TRPC3: variants seen among roughly 807,000 people sequenced by gnomAD.
The protein encoded by TRPC3 is short transient receptor potential channel 3.
A neutral mutation model predicts 90.9 loss-of-function variants in TRPC3; 54 were observed. That is an observed-to-expected ratio of 0.59 (90% CI 0.48 to 0.75). TRPC3 has a LOEUF of 0.75. Ranked by LOEUF, TRPC3 falls within the 30% of genes least tolerant of loss-of-function variation. TRPC3 has a pLI of 0.00. For synonymous variants in TRPC3, 424 were observed against 450.9 expected (o/e 0.94, Z 0.75); for missense variants, 918 against 1,194.5 (o/e 0.77, Z 3.41).
In TRPC3 at chr4:121,876,218, C is replaced by A. The variant is rs1017727978; in HGVS notation, c.*3518G>T. Among the ~76,000 whole-genome samples, 22 of 151,808 alleles carry A rather than the reference C, an allele frequency of 1.4e-4. No homozygotes were observed. Among genetic ancestry groups the A allele is most frequent in the African/African-American group, 5.3e-4 (22 of 41,300 alleles). On this transcript the variant is annotated 3_prime_UTR_variant, in exon 12 of 12. Transcript: ENST00000379645. ...CCAGCCTGATTTTGGGAGGCTGAGG[C>A]AGGAGGATCGCTTGAGGCCAAAAGT...
Position 121,914,830 on chromosome 4 carries a change from G to C in TRPC3, c.1291C>G (p.Leu431Val). The C allele has an allele frequency of 6.2e-7, 1 of 1,613,578 alleles. No individual in the cohort carries two copies. The highest frequency in any genetic ancestry group is 1.7e-5 in the Admixed American group (1 of 59,992). The change falls in exon 4 of 12, where the codon CTG becomes GTG. Residue 431 changes from leucine (L) to valine (V), a missense_variant. Leu to Val is a conservative substitution (Grantham distance 32). Around this residue, in one of 4 missense-constraint regions of TRPC3, gnomAD observed 609 missense variants for 725.9 expected, o/e 0.84. Coordinates refer to ENST00000379645, the MANE Select transcript of TRPC3 (RefSeq NM_001130698.2). Reference protein sequence around the residue: ...IKCLVVLVVALGLPFLAIGYW... With the variant: ...IKCLVVLVVAVGLPFLAIGYW... ...CCAATGGCCAGGAATGGAAGGCCCA[G>C]GGCCACGACCAGCACAACGAGACAC...
At chr4:121,937,235 G>A (rs907737483) in intron 1 of TRPC3, among the ~76,000 whole-genome samples, 1 of 152,156 alleles carries the variant, frequency 6.6e-6, no homozygotes, top group Admixed American at 6.5e-5. Context: ...GTTGGACCCT[G>A]AAATATGCCC....
At chr4:121,930,329 A>G (rs980823987) in intron 2 of TRPC3, among the ~76,000 whole-genome samples, 14 of 152,140 alleles carry the variant, frequency 9.2e-5, no homozygotes, top group Non-Finnish European at 2.1e-4. Flanking sequence ...CCTTATAGAT[A>G]TTTGGCAGCT....
chr4:121,919,104 A>G (rs957446367), intron 3 of TRPC3, among the ~76,000 whole-genome samples: 1 of 152,244 alleles, frequency 6.6e-6, no homozygotes, highest in Non-Finnish European at 1.5e-5. Context: ...GAAAATCTCA[A>G]TCTTTCAATT....
intron 1 of TRPC3, among the ~76,000 whole-genome samples, chr4:121,941,087 T>C (rs1452635016): frequency 6.6e-6 from 1 of 152,138 alleles, no homozygotes; most frequent in African/African-American, 2.4e-5. Context: ...AAATGAACAA[T>C]GGGTTATAAA....
Position 121,904,395 on chromosome 4 carries a change from T to C in TRPC3, c.2180A>G (p.Tyr727Cys). The change falls in exon 8 of 12, where the codon TAC (tyrosine) becomes TGC (cysteine). Residue 727 changes from tyrosine to cysteine, a missense_variant. Physicochemically the swap from Tyr to Cys is radical, Grantham distance 194. Coordinates refer to ENST00000379645, the MANE Select transcript of TRPC3 (RefSeq NM_001130698.2). ...ENIGYVLYGI[Y>C]NVTMVVVLLN... ...TAAAACGACCACCATAGTTACATTG[T>C]ATATTCCATAAAGAACGTATCCAAT... 3.1e-6 allele frequency: 5 copies of C among 1,606,660 alleles called. No homozygotes were observed. The highest frequency in any genetic ancestry group is 4.2e-6 in the Non-Finnish European group (5 of 1,178,130).
In TRPC3 at chr4:121,907,483, A is replaced by C. The variant is rs1728925159; in HGVS notation, c.1877T>G (p.Ile626Ser). Residue 626 changes from isoleucine (I) to serine (S), a missense_variant, in exon 7 of 12, where the codon ATT becomes AGT. By Grantham distance (142) the Ile-to-Ser change is moderately radical (BLOSUM62 -2). Around this residue, in one of 4 missense-constraint regions of TRPC3, gnomAD observed 147 missense variants for 263.5 expected, o/e 0.56. Coordinates refer to ENST00000379645, the MANE Select transcript of TRPC3 (RefSeq NM_001130698.2). ...AIAVVLSFSRIAYILPANESF... is the reference protein window; with the variant it reads ...AIAVVLSFSRSAYILPANESF... ...CTCATTTGCAGGGAGGATGTACGCAATCCGAGAGAAGCTGAGCACAACAGC... is the reference window on the plus strand; with the variant it reads ...CTCATTTGCAGGGAGGATGTACGCACTCCGAGAGAAGCTGAGCACAACAGC... 6.2e-7 allele frequency: 1 copy of C among 1,613,314 alleles called. No homozygotes were observed. Among genetic ancestry groups the C allele is most frequent in the African/African-American group, 1.3e-5 (1 of 74,862 alleles).
chr4:121,890,286 G>A (rs545300489), intron 10 of TRPC3, among the ~76,000 whole-genome samples: 1 of 152,216 alleles, frequency 6.6e-6, no homozygotes, highest in South Asian at 2.1e-4. Context: ...ACATTGTATT[G>A]TATGTTTTAA....
At chr4:121,949,552 T>G (rs561620962) in intron 1 of TRPC3, among the ~76,000 whole-genome samples, 1 of 152,158 alleles carries the variant, frequency 6.6e-6, no homozygotes, top group South Asian at 2.1e-4. Flanking sequence ...GTGGCCGGAT[T>G]CTCCTCAAAG....
chr4:121,932,823 G>A lies in TRPC3; in HGVS notation c.435C>T (p.Tyr145=), dbSNP rs1729995476. The change falls in exon 2 of 12, where the codon TAC becomes TAT. Residue 145 remains tyrosine, a synonymous_variant. Transcript: ENST00000379645. This position sits in a 1 kb window ranked among gnomAD's most constrained non-coding sequence, Gnocchi z 7.7. Reference sequence around the variant, plus strand: ...CCAGCTGCAGCGCGTTCTGGCCCATGTAGTCCACGCAGTTGACGTTCAGCG... The same window carrying A: ...CCAGCTGCAGCGCGTTCTGGCCCATATAGTCCACGCAGTTGACGTTCAGCG... The part of the protein sequence containing the change: ...SKTLNVNCVD[Y]MGQNALQLAV... The A allele has an allele frequency of 6.2e-7, 1 of 1,610,282 alleles. No individual in the cohort carries two copies. Among genetic ancestry groups the A allele is most frequent in the Non-Finnish European group, 8.5e-7 (1 of 1,177,158 alleles).
In TRPC3 at chr4:121,914,606, T is replaced by C. The variant is rs552635500; in HGVS notation, c.1341+174A>G. On this transcript the variant is annotated intron_variant, in intron 4 of 11. Transcript: ENST00000379645. Reference sequence around the variant, plus strand: ...GTATATCCCACTGGTACCAAATCCTTTTTCATCCCTTATTTGAATTGATCC... The same window carrying C: ...GTATATCCCACTGGTACCAAATCCTCTTTCATCCCTTATTTGAATTGATCC... Among the ~76,000 whole-genome samples the C allele has an allele frequency of 6.6e-5, 10 of 152,340 alleles. No homozygotes were observed. The East Asian group carries it at 1.9e-3, about 29-fold the overall frequency.
At chr4:121,915,772 T>C (rs1357024338) in intron 3 of TRPC3, among the ~76,000 whole-genome samples, 1 of 152,196 alleles carries the variant, frequency 6.6e-6, no homozygotes, top group East Asian at 1.9e-4. Context: ...TTTAAAGCCC[T>C]GTTCTTATTC....
intron 3 of TRPC3, among the ~76,000 whole-genome samples, chr4:121,916,542 C>G (rs1729324175): frequency 6.6e-6 from 1 of 152,018 alleles, no homozygotes; most frequent in Non-Finnish European, 1.5e-5. Flanking sequence ...GAGGGAGGAG[C>G]CTTCATGAAT....
chr4:121,901,709 G>A (rs180757192), intron 9 of TRPC3, among the ~76,000 whole-genome samples: 1 of 152,260 alleles, frequency 6.6e-6, no homozygotes. Flanking sequence ...ACAATTCGTG[G>A]ACAATTAAGG....
chr4:121,941,548 T>C (rs1468374719), intron 1 of TRPC3, among the ~76,000 whole-genome samples: 3 of 152,036 alleles, frequency 2.0e-5, no homozygotes, highest in Non-Finnish European at 4.4e-5. Context: ...ATGGTGATAA[T>C]TGGAAATGGT....
At chr4:121,901,323 G>A (rs1424883110) in intron 9 of TRPC3, among the ~76,000 whole-genome samples, 2 of 152,172 alleles carry the variant, frequency 1.3e-5, no homozygotes, top group African/African-American at 2.4e-5. Flanking sequence ...ACCAGCTACC[G>A]CACAGCTGAA....
chr4:121,921,656 G>A (rs1729517062), intron 3 of TRPC3, among the ~76,000 whole-genome samples: 1 of 152,082 alleles, frequency 6.6e-6, no homozygotes, highest in South Asian at 2.1e-4. Context: ...ATGTTATCAG[G>A]GGGTGGGGGA....
In TRPC3 at chr4:121,951,445, G is replaced by A. The variant is rs1210003487; in HGVS notation, c.215+21C>T. 3 of 1,194,734 alleles carry A rather than the reference G, an allele frequency of 2.5e-6. No homozygotes were observed. The highest frequency in any genetic ancestry group is 3.1e-6 in the Non-Finnish European group (3 of 963,474). 74.0% of individuals were successfully genotyped at this position (1,194,734 alleles called of 1,614,324 possible). A position where few individuals can be genotyped will look rare whatever the true frequency, so the allele number is the denominator to read the frequency against. ...GGCACCGCCCTCCGAGGCGCGGGCCGCGGCCGGGCCCGGTACTCACAGGTC... is the reference window on the plus strand; with the variant it reads ...GGCACCGCCCTCCGAGGCGCGGGCCACGGCCGGGCCCGGTACTCACAGGTC... On this transcript the variant is annotated intron_variant, in intron 1 of 11. Transcript: ENST00000379645. The surrounding 1 kb of genome is among the most constrained non-coding windows in gnomAD (Gnocchi z 4.4).
intron 4 of TRPC3, among the ~76,000 whole-genome samples, chr4:121,913,577 A>T (rs573529634): frequency 1.3e-5 from 2 of 152,244 alleles, no homozygotes; most frequent in African/African-American, 2.4e-5. Context: ...CCCCTAAGAG[A>T]CAAACATTTC....
Sources: allele counts gnomAD v4.1 joint callset (sites outside exome capture counted in the v4.1 genomes callset), GRCh38; gene constraint gnomAD v4.1.1; regional missense constraint gnomAD v4.1.1; non-coding constraint Gnocchi (gnomAD v3.1); transcripts MANE v1.5; gene names NCBI Gene and HGNC (gene_info 2026-07-23, HGNC 2026-07-21).